Variants in KCNIP4 observed in about 807,000 individuals in gnomAD.
KCNIP4 encodes Kv channel-interacting protein 4.
KCNIP4 carries 12 observed loss-of-function variants against 34.0 expected under a neutral mutation model. The ratio of observed to expected loss-of-function variants is 0.35; its 90% CI spans 0.23 to 0.57. KCNIP4 has a LOEUF of 0.57. Among genes scored for constraint, KCNIP4 ranks in the 20% least tolerant of loss-of-function variants. KCNIP4 has a pLI of 0.83. For synonymous variants in KCNIP4, 124 were observed against 102.2 expected (o/e 1.21, Z -1.29); for missense variants, 238 against 311.7 (o/e 0.76, Z 1.78).
chr4:21,001,265 T>G (rs1015225107), intron 1 of KCNIP4, among the ~76,000 whole-genome samples: 9 of 152,234 alleles, frequency 5.9e-5, no homozygotes, highest in African/African-American at 1.7e-4. Context: ...AGAAAAAAGT[T>G]CAATTTCCCC....
chr4:21,291,069 C>G (rs1763427885), intron 1 of KCNIP4, among the ~76,000 whole-genome samples: 2 of 151,942 alleles, frequency 1.3e-5, no homozygotes, highest in African/African-American at 2.4e-5. Flanking sequence ...TGTTTTCCTC[C>G]CAAAGGCACA....
At position 21,284,017 on chromosome 4, in the gene KCNIP4, T is replaced by C. The variant is rs111409283; in HGVS notation, c.62-401308A>G. On this transcript the variant is annotated intron_variant, in intron 1 of 8. Coordinates refer to ENST00000382152, the MANE Select transcript of KCNIP4 (RefSeq NM_025221.6). ...TCACGAGGTCAGGAGATTGAGACCA[T>C]GCTGGCTAACACGGTGAAACCCCAT... Among the ~76,000 whole-genome samples the C allele has an allele frequency of 3.3e-3, 499 of 151,980 alleles. 5 individuals carry two copies. Among genetic ancestry groups the C allele is most frequent in the Non-Finnish European group, 4.0e-3 (272 of 67,974 alleles).
intron 1 of KCNIP4, among the ~76,000 whole-genome samples, chr4:21,474,894 A>G (rs1382779949): frequency 1.3e-5 from 2 of 150,938 alleles, no homozygotes; most frequent in Non-Finnish European, 3.0e-5. Context: ...TCAGCTACTT[A>G]GGAGGCTGAG....
intron 1 of KCNIP4, among the ~76,000 whole-genome samples, chr4:21,006,244 AAAC>A (rs1479419616): frequency 6.6e-6 from 1 of 152,230 alleles, no homozygotes; most frequent in Non-Finnish European, 1.5e-5. Context: ...ACTAAAGAAT[AAAC>A]AAGTAGATAA....
chr4:21,714,785 G>GAC (rs939238600), intron 1 of KCNIP4, among the ~76,000 whole-genome samples: 3 of 43,372 alleles, frequency 6.9e-5, no homozygotes, highest in African/African-American at 6.0e-4. Flanking sequence ...ATTTCCCTTT[G>GAC]ATTATTTTAT....
At chr4:20,783,943 G>T (rs1003895607) in intron 3 of KCNIP4, among the ~76,000 whole-genome samples, 18 of 152,028 alleles carry the variant, frequency 1.2e-4, no homozygotes, top group Admixed American at 1.0e-3. Context: ...TCTGGCACTG[G>T]GTAGGCTCTG....
chr4:20,838,193 T>C (rs11726329), intron 3 of KCNIP4, among the ~76,000 whole-genome samples: 59,287 of 151,972 alleles, frequency 0.39, 12,095 homozygotes, highest in Non-Finnish European at 0.46. Flanking sequence ...TCAGTTCTGA[T>C]GTACAGTGCT....
At chr4:21,634,715 A>T (rs533451197) in intron 1 of KCNIP4, among the ~76,000 whole-genome samples, 2 of 152,322 alleles carry the variant, frequency 1.3e-5, no homozygotes, top group African/African-American at 2.4e-5. Flanking sequence ...CATCTATTTA[A>T]ATCATCTCAT....
chr4:20,788,140 A>G (rs1033617048), intron 3 of KCNIP4, among the ~76,000 whole-genome samples: 3 of 152,142 alleles, frequency 2.0e-5, no homozygotes, highest in African/African-American at 4.8e-5. Context: ...TGTTCGCTAC[A>G]TCATTCCTGC....
intron 3 of KCNIP4, among the ~76,000 whole-genome samples, chr4:20,779,885 G>A (rs1020168831): frequency 1.3e-5 from 2 of 152,144 alleles, no homozygotes; most frequent in African/African-American, 4.8e-5. Context: ...TTTCTCAAGG[G>A]AGCATGGCCC....
Position 21,816,620 on chromosome 4 carries a change from G to T in KCNIP4, c.61+131951C>A, listed in dbSNP as rs139463728. ...TTGTTCTCCCATTAACCCTTAAACT[G>T]GGAAGTCTCTTACTATTTTCTCATC... is the stretch of plus-strand genomic sequence containing the variant. On this transcript the variant is annotated intron_variant, in intron 1 of 8. Coordinates refer to ENST00000382152, the MANE Select transcript of KCNIP4 (RefSeq NM_025221.6). Among the ~76,000 whole-genome samples, 12 of 152,140 alleles carry T rather than the reference G, an allele frequency of 7.9e-5. No homozygotes were observed. In the East Asian group the frequency reaches 2.3e-3, roughly 29 times the overall value.
intron 1 of KCNIP4, among the ~76,000 whole-genome samples, chr4:21,748,761 T>C (rs1254113209): frequency 2.0e-5 from 3 of 152,038 alleles, no homozygotes; most frequent in Non-Finnish European, 2.9e-5. Flanking sequence ...AGAAAAGAAA[T>C]AGATAGCCCG....
rs371967222 is a variant in KCNIP4, at chr4:21,596,381, A to G, written c.61+352190T>C. 1.7e-3 allele frequency among the ~76,000 whole-genome samples: 260 copies of G among 152,210 alleles called. 10 individuals are homozygous for G. In the South Asian group the frequency reaches 0.047, roughly 28 times the overall value. The stretch of plus-strand genomic sequence containing the variant: ...TTTATATATATGTTACAAGAAGTCT[A>G]TTGACTCTGTAAATGGTAAAATCTG... On this transcript the variant is annotated intron_variant, in intron 1 of 8. Transcript: ENST00000382152.
chr4:21,748,601 C>A (rs889831331), intron 1 of KCNIP4, among the ~76,000 whole-genome samples: 1 of 152,124 alleles, frequency 6.6e-6, no homozygotes, highest in African/African-American at 2.4e-5. Context: ...ATCATGAAGA[C>A]CGAATTTATA....
At chr4:20,815,768 G>A (rs980788003) in intron 3 of KCNIP4, among the ~76,000 whole-genome samples, 1 of 152,180 alleles carries the variant, frequency 6.6e-6, no homozygotes, top group Non-Finnish European at 1.5e-5. Flanking sequence ...TTAGACGGTA[G>A]CATGTATCAC....
At chr4:21,941,577 A>C (rs1730207032) in intron 1 of KCNIP4, among the ~76,000 whole-genome samples, 1 of 152,130 alleles carries the variant, frequency 6.6e-6, no homozygotes, top group Admixed American at 6.5e-5. Flanking sequence ...ACATTTCCCT[A>C]AGCCAATACA....
intron 2 of KCNIP4, 60 bp from the exon 3 acceptor site, chr4:20,850,727 G>A (rs1277250909): frequency 1.9e-6 from 3 of 1,559,338 alleles, no homozygotes; most frequent in Non-Finnish European, 2.6e-6. Context: ...TGCTTACACA[G>A]AGCAACAAAG....
intron 1 of KCNIP4, among the ~76,000 whole-genome samples, chr4:21,413,627 G>A (rs1454559017): frequency 6.6e-6 from 1 of 152,068 alleles, no homozygotes. Flanking sequence ...AGCACACTAT[G>A]AGTTCAGTAA....
chr4:21,896,421 T>G (rs1440546870), intron 1 of KCNIP4, among the ~76,000 whole-genome samples: 1 of 152,088 alleles, frequency 6.6e-6, no homozygotes, highest in Non-Finnish European at 1.5e-5. Context: ...AAAAAGGACT[T>G]GTGTTTGCAA....
Sources: allele counts gnomAD v4.1 joint callset (sites outside exome capture counted in the v4.1 genomes callset), GRCh38; gene constraint gnomAD v4.1.1; transcripts MANE v1.5; gene names NCBI Gene and HGNC (gene_info 2026-07-23, HGNC 2026-07-21).